PCDH15: variants seen among roughly 807,000 people sequenced by gnomAD.
The protein encoded by PCDH15 is protocadherin-15.
PCDH15 carries 129 observed loss-of-function variants against 178.5 expected under a neutral mutation model. The observed-to-expected ratio is 0.72, with a 90% confidence interval of 0.63 to 0.84. The LOEUF (loss-of-function observed/expected upper bound fraction) is 0.84. Among genes scored for constraint, PCDH15 ranks in the 40% least tolerant of loss-of-function variants. The pLI is 0.00. For missense variants in PCDH15, 2,230 were observed against 2,099.9 expected (o/e 1.06, Z -1.21); for synonymous variants, 800 against 732.0 (o/e 1.09, Z -1.50).
At chr10:55,290,389 G>A (rs1242793734) in intron 1 of PCDH15, among the ~76,000 whole-genome samples, 1 of 152,022 alleles carries the variant, frequency 6.6e-6, no homozygotes, top group East Asian at 1.9e-4. Context: ...AAGGTATTGG[G>A]GTGAAGTGTC....
intron 2 of PCDH15, among the ~76,000 whole-genome samples, chr10:54,913,767 C>G (rs1377751775): frequency 6.6e-6 from 1 of 151,646 alleles, no homozygotes. Context: ...CCCCTTGCAT[C>G]AGTGTGTCCT....
chr10:55,200,899 CA>C (rs751884724), intron 1 of PCDH15, among the ~76,000 whole-genome samples: 1 of 152,072 alleles, frequency 6.6e-6, no homozygotes, highest in Non-Finnish European at 1.5e-5. Context: ...GCCTCCCTGC[CA>C]TGCTTCCTGT....
At chr10:55,477,515 G>T (rs959537219) in intron 2 of PCDH15, among the ~76,000 whole-genome samples, 7 of 151,904 alleles carry the variant, frequency 4.6e-5, no homozygotes, top group Non-Finnish European at 7.4e-5. Context: ...ATGGAAAATG[G>T]TCATTCTTTC....
At chr10:54,641,567 A>G (rs1162076119) in intron 2 of PCDH15, among the ~76,000 whole-genome samples, 2 of 147,878 alleles carry the variant, frequency 1.4e-5, no homozygotes, top group Non-Finnish European at 3.0e-5. Context: ...ATACACAGGT[A>G]CACATATGCA....
At chr10:55,137,209 C>T (rs1218615214) in intron 2 of PCDH15, among the ~76,000 whole-genome samples, 1 of 152,138 alleles carries the variant, frequency 6.6e-6, no homozygotes, top group Non-Finnish European at 1.5e-5. Flanking sequence ...TTTCAGTCAA[C>T]AACAGACTGC....
intron 2 of PCDH15, among the ~76,000 whole-genome samples, chr10:54,623,435 A>G (rs996397245): frequency 2.6e-5 from 4 of 152,108 alleles, no homozygotes; most frequent in Non-Finnish European, 5.9e-5. Context: ...ACATAATACT[A>G]TCTACTTCAT....
intron 2 of PCDH15, among the ~76,000 whole-genome samples, chr10:55,357,053 C>T (rs1845097806): frequency 6.6e-6 from 1 of 151,896 alleles, no homozygotes; most frequent in African/African-American, 2.4e-5. Context: ...TAGAGAAAAT[C>T]ACTTGAACAG....
At chr10:55,485,060 C>G (rs184832766) in intron 2 of PCDH15, among the ~76,000 whole-genome samples, 1 of 151,762 alleles carries the variant, frequency 6.6e-6, no homozygotes, top group East Asian at 1.9e-4. Context: ...CACAAAGCCT[C>G]TGCCCAGCAA....
At chr10:54,061,319 T>A (rs2094008520) in intron 18 of PCDH15, among the ~76,000 whole-genome samples, 1 of 152,170 alleles carries the variant, frequency 6.6e-6, no homozygotes, top group Admixed American at 6.5e-5. Context: ...CTCTCAAGGA[T>A]ACTAGGCAAA....
At chr10:54,170,210 C>T (rs889079303) in intron 13 of PCDH15, among the ~76,000 whole-genome samples, 18 of 150,832 alleles carry the variant, frequency 1.2e-4, no homozygotes, top group Non-Finnish European at 2.4e-4. Context: ...TAAAAACACA[C>T]GTGCTCTCCC....
At chr10:53,964,976 T>A (rs1215782616) in intron 21 of PCDH15, among the ~76,000 whole-genome samples, 1 of 152,106 alleles carries the variant, frequency 6.6e-6, no homozygotes, top group African/African-American at 2.4e-5. Flanking sequence ...TCAGTTTGAG[T>A]ATTTTACTAT....
At chr10:54,540,645 C>T (rs913819731) in intron 2 of PCDH15, among the ~76,000 whole-genome samples, 1 of 152,068 alleles carries the variant, frequency 6.6e-6, no homozygotes, top group Non-Finnish European at 1.5e-5. Context: ...AGACTCCTCC[C>T]TAACTCATTC....
chr10:54,577,029 T>C (rs1448910429), intron 2 of PCDH15, among the ~76,000 whole-genome samples: 1 of 151,866 alleles, frequency 6.6e-6, no homozygotes, highest in African/African-American at 2.4e-5. Context: ...GATTGAGGTG[T>C]AGTGAAGATA....
At chr10:55,303,268 A>C (rs956923547) in intron 1 of PCDH15, among the ~76,000 whole-genome samples, 1 of 152,078 alleles carries the variant, frequency 6.6e-6, no homozygotes, top group African/African-American at 2.4e-5. Context: ...GGCATTCTTT[A>C]CTTGGTGGAA....
chr10:54,613,105 T>C (rs1233044804), intron 2 of PCDH15, among the ~76,000 whole-genome samples: 1 of 151,796 alleles, frequency 6.6e-6, no homozygotes, highest in Non-Finnish European at 1.5e-5. Context: ...TATTTATATT[T>C]TACAATGCCC....
At chr10:55,531,321 A>T (rs971770141) in intron 2 of PCDH15, among the ~76,000 whole-genome samples, 3 of 151,962 alleles carry the variant, frequency 2.0e-5, no homozygotes, top group African/African-American at 7.2e-5. Context: ...TCTTATATCA[A>T]ATCTACTTGA....
intron 3 of PCDH15, among the ~76,000 whole-genome samples, chr10:54,877,934 C>CTTTTTT (rs1954175769): frequency 3.5e-5 from 1 of 28,778 alleles, no homozygotes; most frequent in Non-Finnish European, 6.7e-5. Flanking sequence ...TTCTCTCTCT[C>CTTTTTT]TCTCTTTTTT....
intron 3 of PCDH15, among the ~76,000 whole-genome samples, chr10:54,507,121 C>A (rs2081239704): frequency 6.6e-6 from 1 of 151,690 alleles, no homozygotes; most frequent in South Asian, 2.1e-4. Context: ...TGACTTGTTC[C>A]TTATGAGAAC....
chr10:55,598,858 C>A (rs1198405457), intron 2 of PCDH15, among the ~76,000 whole-genome samples: 1 of 151,870 alleles, frequency 6.6e-6, no homozygotes, highest in African/African-American at 2.4e-5. Context: ...GGAAAGTGCA[C>A]CTGGATAAAC....
Sources: allele counts gnomAD v4.1 joint callset (sites outside exome capture counted in the v4.1 genomes callset), GRCh38; gene constraint gnomAD v4.1.1; transcripts MANE v1.5; gene names NCBI Gene and HGNC (gene_info 2026-07-23, HGNC 2026-07-21).